SWT1: variants seen among roughly 807,000 people sequenced by gnomAD.
The protein encoded by SWT1 is SWT1 RNA endoribonuclease homolog, also known as transcriptional protein SWT1.
SWT1 carries 33 observed loss-of-function variants against 107.3 expected under a neutral mutation model. The observed-to-expected ratio is 0.31, with a 90% confidence interval of 0.23 to 0.41. The LOEUF (loss-of-function observed/expected upper bound fraction) is 0.41, where lower values mean the gene tolerates loss of function less well. Among genes scored for constraint, SWT1 ranks in the 10% least tolerant of loss-of-function variants. The pLI is 1.00. For synonymous variants in SWT1, 345 were observed against 348.3 expected (o/e 0.99, Z 0.11); for missense variants, 898 against 1,028.9 (o/e 0.87, Z 1.74).
chr1:185,180,514 A>G (rs1571431250), intron 6 of SWT1, 64 bp downstream of exon 6: 18 of 1,167,748 alleles, frequency 1.5e-5, no homozygotes, highest in Non-Finnish European at 2.3e-5. Flanking sequence ...TACTTTTAAT[A>G]AAAAATAATG....
At chr1:185,181,882 C>A in intron 6 of SWT1, 64 bp from the exon 7 acceptor site, 1 of 1,567,454 alleles carries the variant, frequency 6.4e-7, no homozygotes. Flanking sequence ...GAATTAATTG[C>A]TTTCCTCTCT....
chr1:185,173,651 G>A (rs1655290673), intron 4 of SWT1, among the ~76,000 whole-genome samples: 1 of 151,982 alleles, frequency 6.6e-6, no homozygotes, highest in African/African-American at 2.4e-5. Flanking sequence ...TGAGTTTGGA[G>A]TGAGCCAAGA....
chr1:185,263,153 A>C (rs1189489027), intron 16 of SWT1: 1 of 152,080 alleles, frequency 6.6e-6, no homozygotes, highest in Non-Finnish European at 1.5e-5. Flanking sequence ...GGCTTCATTT[A>C]CTCTAAATTA....
intron 16 of SWT1, among the ~76,000 whole-genome samples, chr1:185,242,288 G>A (rs1480195667): frequency 6.6e-6 from 1 of 152,054 alleles, no homozygotes; most frequent in African/African-American, 2.4e-5. Flanking sequence ...AAAATACGTG[G>A]CATTCACGTA....
chr1:185,287,857 A>G (rs1014817501), intron 18 of SWT1, among the ~76,000 whole-genome samples: 5 of 152,226 alleles, frequency 3.3e-5, no homozygotes, highest in South Asian at 2.1e-4. Flanking sequence ...GTGATAATCC[A>G]TTGTCCAGAA....
chr1:185,212,161 C>T (rs986420236), intron 13 of SWT1, among the ~76,000 whole-genome samples: 4 of 152,052 alleles, frequency 2.6e-5, no homozygotes, highest in African/African-American at 9.7e-5. Flanking sequence ...ACATATGTAA[C>T]AAACCTGCAC....
In SWT1 at chr1:185,202,766, C is replaced by T. The variant is rs1657989107; in HGVS notation, c.1636C>T (p.Gln546Ter). ...HLSLNTDVCH[Q>*]PCIPKQQLKA... ...ATCTCTGAACACAGATGTGTGTCAT[C>T]AGCCTTGTATTCCTAAGCAACAGTT... The change falls in exon 11 of 19, where the codon CAG (glutamine) becomes TAG (stop). Residue 546 changes from glutamine (Q) to a stop codon, truncating the protein, a stop_gained. Transcript: ENST00000367500. LOFTEE classifies it high-confidence loss of function. The T allele has an allele frequency of 6.3e-7, 1 of 1,583,946 alleles. No individual in the cohort carries two copies. Among genetic ancestry groups the T allele is most frequent in the Non-Finnish European group, 8.6e-7 (1 of 1,164,274 alleles).
chr1:185,181,897 A>C, intron 6 of SWT1, 49 bp from the exon 7 acceptor site: 1 of 1,602,650 alleles, frequency 6.2e-7, no homozygotes, highest in Non-Finnish European at 8.5e-7. Context: ...CTCTCTTGTC[A>C]GTCTGCAAAG....
chr1:185,209,484 C>T (rs1278312037), intron 13 of SWT1, among the ~76,000 whole-genome samples: 1 of 152,006 alleles, frequency 6.6e-6, no homozygotes, highest in Non-Finnish European at 1.5e-5. Flanking sequence ...GTTTGGTTTT[C>T]TGTTCTTGTG....
rs764387536 is a variant in SWT1, at chr1:185,271,416, T to C, written c.2508+27T>C. On this transcript the variant is annotated intron_variant, in intron 17 of 18. Transcript: ENST00000367500. Reference sequence around the variant, plus strand: ...TATGGGAAATATTTTAAAATATTTATCACATTTCTACTTTAAACAAATTTT... The same window carrying C: ...TATGGGAAATATTTTAAAATATTTACCACATTTCTACTTTAAACAAATTTT... 7 of 1,177,472 alleles carry C rather than the reference T, an allele frequency of 5.9e-6. No individual in the cohort carries two copies. In the African/African-American group the frequency reaches 7.6e-5, roughly 13 times the overall value. 72.9% of individuals were successfully genotyped at this position (1,177,472 alleles called of 1,614,324 possible). A position where few individuals can be genotyped will look rare whatever the true frequency, so the allele number is the denominator to read the frequency against.
At chr1:185,191,273 A>G (rs1252550423) in intron 10 of SWT1, among the ~76,000 whole-genome samples, 2 of 152,094 alleles carry the variant, frequency 1.3e-5, no homozygotes, top group East Asian at 3.8e-4. Flanking sequence ...CCTCCCTACT[A>G]ATATTTCCAT....
chr1:185,272,556 T>G (rs1275865138), intron 17 of SWT1, among the ~76,000 whole-genome samples: 2 of 152,206 alleles, frequency 1.3e-5, no homozygotes, highest in Non-Finnish European at 2.9e-5. Context: ...GAAGTCAAAC[T>G]ACCCGTGCTT....
chr1:185,269,367 G>A (rs1275053346), intron 16 of SWT1, among the ~76,000 whole-genome samples: 1 of 132,498 alleles, frequency 7.5e-6, no homozygotes, highest in East Asian at 2.0e-4. Flanking sequence ...GGGTTAAGAG[G>A]TTTTTGTTTT....
At chr1:185,256,946 C>T (rs58685423) in intron 16 of SWT1, among the ~76,000 whole-genome samples, 1,597 of 152,256 alleles carry the variant, frequency 0.01, 48 homozygotes, top group East Asian at 0.065. Flanking sequence ...TGGTGATGTA[C>T]AGATGGGTTT....
intron 16 of SWT1, chr1:185,266,493 T>G (rs1663403558): frequency 6.6e-6 from 1 of 152,230 alleles, no homozygotes. Flanking sequence ...ATTTAGTCCA[T>G]TTTAATTCAT....
intron 14 of SWT1, among the ~76,000 whole-genome samples, chr1:185,220,787 C>T (rs1023554839): frequency 6.6e-6 from 1 of 152,224 alleles, no homozygotes; most frequent in African/African-American, 2.4e-5. Context: ...CAAATACACA[C>T]TACAGTTTAT....
chr1:185,278,927 G>C (rs181555352), intron 18 of SWT1, among the ~76,000 whole-genome samples: 2 of 152,188 alleles, frequency 1.3e-5, no homozygotes, highest in South Asian at 4.1e-4. Flanking sequence ...TGCTTCTACT[G>C]TTAAAGCTCC....
At chr1:185,223,129 A>G (rs1023606348) in intron 15 of SWT1, among the ~76,000 whole-genome samples, 2 of 152,160 alleles carry the variant, frequency 1.3e-5, no homozygotes, top group Admixed American at 6.6e-5. Flanking sequence ...CCTCTGTACT[A>G]TTTTACATAA....
chr1:185,177,551 T>G (rs1254862451), intron 5 of SWT1, among the ~76,000 whole-genome samples: 1 of 152,204 alleles, frequency 6.6e-6, no homozygotes. Flanking sequence ...GTCCTTATCT[T>G]GTGTATATTA....
Sources: gnomAD v4.1 joint callset for allele counts (sites outside exome capture counted in the v4.1 genomes callset) on GRCh38, gnomAD v4.1.1 for gene constraint, MANE v1.5 for transcripts, NCBI Gene and HGNC (gene_info 2026-07-23, HGNC 2026-07-21) for gene names.